SNX16: variants seen among roughly 807,000 people sequenced by gnomAD.
SNX16 encodes sorting nexin 16, also known as sorting nexin-16.
Under a neutral mutation model 36.7 loss-of-function variants are expected in SNX16, and 35 were observed. That is an observed-to-expected ratio of 0.95 (90% CI 0.73 to 1.27). The LOEUF (loss-of-function observed/expected upper bound fraction) is 1.27, where lower values mean the gene tolerates loss of function less well. Among genes scored for constraint, SNX16 ranks in the 50% most tolerant of loss-of-function variants. The pLI is 0.00. For synonymous variants in SNX16, 134 were observed against 132.0 expected (o/e 1.02, Z -0.10); for missense variants, 367 against 393.6 (o/e 0.93, Z 0.57).
At chr8:81,822,512 G>C (rs925281263) in intron 4 of SNX16, among the ~76,000 whole-genome samples, 2 of 152,006 alleles carry the variant, frequency 1.3e-5, no homozygotes, top group African/African-American at 4.8e-5. Context: ...GTAGTAAGAG[G>C]GGAGGAGGAA....
In SNX16 at chr8:81,803,246, A is replaced by C. The variant is rs752924906; in HGVS notation, c.682-18T>G. 1 of 1,585,828 alleles carries C rather than the reference A, an allele frequency of 6.3e-7. No individual in the cohort carries two copies. Among genetic ancestry groups the C allele is most frequent in the South Asian group, 1.2e-5 (1 of 86,266 alleles). ...CAGAATGCCTTAAAAAAAACAACAA[A>C]CAAAACTAAACACATGCAGAAAAAG... On this transcript the variant is annotated intron_variant, in intron 5 of 7. Transcript: ENST00000345957.
At chr8:81,807,032 A>C (rs1809985406) in intron 5 of SNX16, among the ~76,000 whole-genome samples, 1 of 152,178 alleles carries the variant, frequency 6.6e-6, no homozygotes, top group South Asian at 2.1e-4. Context: ...TTAATAAATA[A>C]ATGTATTAAA....
At chr8:81,831,955 T>C (rs911349812) in intron 2 of SNX16, among the ~76,000 whole-genome samples, 5 of 152,174 alleles carry the variant, frequency 3.3e-5, no homozygotes, top group Non-Finnish European at 1.5e-5. Flanking sequence ...CACTTATATA[T>C]TGCTGGTAGA....
intron 5 of SNX16, among the ~76,000 whole-genome samples, chr8:81,809,295 G>C (rs1810115959): frequency 6.6e-6 from 1 of 152,082 alleles, no homozygotes; most frequent in African/African-American, 2.4e-5. Flanking sequence ...CAAAATCATG[G>C]AATTATTGGT....
intron 5 of SNX16, among the ~76,000 whole-genome samples, chr8:81,812,423 A>C (rs1810303349): frequency 6.6e-6 from 1 of 152,110 alleles, no homozygotes; most frequent in Non-Finnish European, 1.5e-5. Flanking sequence ...TGAAAGCAGC[A>C]AGGGCAAAAT....
At chr8:81,831,813 A>C (rs1811284683) in intron 2 of SNX16, among the ~76,000 whole-genome samples, 1 of 152,238 alleles carries the variant, frequency 6.6e-6, no homozygotes, top group African/African-American at 2.4e-5. Flanking sequence ...GAAACATAAA[A>C]AAAATGCTCA....
chr8:81,822,947 C>CATACATAT (rs1554546213), intron 4 of SNX16, among the ~76,000 whole-genome samples: 1 of 52,342 alleles, frequency 1.9e-5, no homozygotes, highest in African/African-American at 5.8e-5. Flanking sequence ...TATACATATA[C>CATACATAT]ATATATATAT....
intron 5 of SNX16, among the ~76,000 whole-genome samples, chr8:81,806,044 CAG>C (rs1240475872): frequency 5.3e-5 from 8 of 151,966 alleles, no homozygotes; most frequent in Admixed American, 2.6e-4. Flanking sequence ...ATCAAAGAAA[CAG>C]AATCAGTTGT....
At chr8:81,822,966 A>ATGTG (rs36048974) in intron 4 of SNX16, among the ~76,000 whole-genome samples, 1 of 126,934 alleles carries the variant, frequency 7.9e-6, no homozygotes, top group African/African-American at 2.8e-5. Flanking sequence ...ATATATATAT[A>ATGTG]TATATATATA....
intron 4 of SNX16, 137 bp downstream of exon 4, chr8:81,823,655 C>T: frequency 1.5e-6 from 1 of 649,430 alleles, no homozygotes; most frequent in Non-Finnish European, 2.4e-6. Context: ...TCTTGTAGTA[C>T]TTTGTTAAAG....
chr8:81,820,809 T>A (rs781181445), intron 4 of SNX16, among the ~76,000 whole-genome samples: 2 of 151,962 alleles, frequency 1.3e-5, no homozygotes, highest in Non-Finnish European at 2.9e-5. Flanking sequence ...CTAATTTCTC[T>A]AAATGAATTT....
rs138495091 is a variant in SNX16 at position 81,820,814 on chromosome 8, G to A, written c.611+2978C>T. Among the ~76,000 whole-genome samples the A allele has an allele frequency of 2.9e-3, 447 of 151,762 alleles. 2 individuals carry two copies. The highest frequency in any genetic ancestry group is 0.01 in the African/African-American group (433 of 41,402). On this transcript the variant is annotated intron_variant, in intron 4 of 7. Coordinates refer to ENST00000345957, the MANE Select transcript of SNX16 (RefSeq NM_152836.3). ...AAACAGGAGCCTAATTTCTCTAAAT[G>A]AATTTTAAAACCAGTGAGTATATAT...
intron 4 of SNX16, among the ~76,000 whole-genome samples, chr8:81,817,081 G>A (rs1430323434): frequency 1.3e-5 from 2 of 152,118 alleles, no homozygotes; most frequent in African/African-American, 4.8e-5. Flanking sequence ...CAATTGATCT[G>A]GGATTGAGAG....
At chr8:81,827,195 T>TA (rs1459545722) in intron 3 of SNX16, among the ~76,000 whole-genome samples, 4 of 152,108 alleles carry the variant, frequency 2.6e-5, no homozygotes, top group Non-Finnish European at 5.9e-5. Context: ...ATCTTTTTTC[T>TA]AAAAGATTTA....
At chr8:81,823,020 T>C (rs1207865882) in intron 4 of SNX16, among the ~76,000 whole-genome samples, 1 of 147,984 alleles carries the variant, frequency 6.8e-6, no homozygotes, top group East Asian at 2.0e-4. Flanking sequence ...CGCACGTGTG[T>C]CATGCAGGAA....
At chr8:81,838,422 GAC>G (rs1811590535) in intron 2 of SNX16, among the ~76,000 whole-genome samples, 1 of 152,002 alleles carries the variant, frequency 6.6e-6, no homozygotes, top group African/African-American at 2.4e-5. Flanking sequence ...TATTAATTAA[GAC>G]AGTGTGAAAT....
At chr8:81,838,669 T>C (rs1811604517) in intron 2 of SNX16, among the ~76,000 whole-genome samples, 1 of 147,586 alleles carries the variant, frequency 6.8e-6, no homozygotes, top group Non-Finnish European at 1.5e-5. Flanking sequence ...GGTCCAACAA[T>C]AAAGATTTTA....
chr8:81,822,691 A>C (rs897400511), intron 4 of SNX16, among the ~76,000 whole-genome samples: 2 of 152,082 alleles, frequency 1.3e-5, no homozygotes, highest in East Asian at 1.9e-4. Context: ...TGGGTAGATG[A>C]TGCTGCTACA....
At position 81,839,928 on chromosome 8, in the gene SNX16, G is replaced by T; in HGVS notation, c.59C>A (p.Thr20Lys). 1 of 1,613,926 alleles carries T rather than the reference G, an allele frequency of 6.2e-7. No individual in the cohort carries two copies. The highest frequency in any genetic ancestry group is 2.2e-5 in the East Asian group (1 of 44,858). The change falls in exon 2 of 8, where the codon ACA becomes AAA. Residue 20 changes from threonine to lysine, a missense_variant. Coordinates refer to ENST00000345957, the MANE Select transcript of SNX16 (RefSeq NM_152836.3). ...AGAACTTCTTTGATTTCTGTTTGTT[G>T]TAAAACTGGAAGCAGAGTTTCCTAT... is the stretch of plus-strand genomic sequence containing the variant. ...MPIGNSASSF[T>K]TNRNQRSSSF...
Sources: gnomAD v4.1 joint callset for allele counts (sites outside exome capture counted in the v4.1 genomes callset) on GRCh38, gnomAD v4.1.1 for gene constraint, MANE v1.5 for transcripts, NCBI Gene and HGNC (gene_info 2026-07-23, HGNC 2026-07-21) for gene names.